ROBO2: variants seen among roughly 807,000 people sequenced by gnomAD.
The protein encoded by ROBO2 is roundabout guidance receptor 2, also known as roundabout homolog 2.
A neutral mutation model predicts 160.8 loss-of-function variants in ROBO2; 53 were observed. The observed-to-expected ratio is 0.33, with a 90% confidence interval of 0.26 to 0.41. ROBO2 has a LOEUF of 0.41. Among genes scored for constraint, ROBO2 ranks in the 10% least tolerant of loss-of-function variants. ROBO2 has a pLI of 1.00. For missense variants in ROBO2, 1,577 were observed against 1,722.4 expected (o/e 0.92, Z 1.49); for synonymous variants, 664 against 611.7 (o/e 1.09, Z -1.26).
intron 2 of ROBO2, among the ~76,000 whole-genome samples, chr3:76,215,310 A>G (rs539480695): frequency 1.3e-5 from 2 of 152,332 alleles, no homozygotes; most frequent in Admixed American, 6.5e-5. Flanking sequence ...AGCTGGATGG[A>G]GAATGACTTT....
At chr3:76,050,691 C>G (rs1364658259) in intron 2 of ROBO2, among the ~76,000 whole-genome samples, 3 of 152,158 alleles carry the variant, frequency 2.0e-5, no homozygotes, top group Non-Finnish European at 4.4e-5. Flanking sequence ...GCTGTGCTCT[C>G]CCTCTTCTCT....
chr3:76,875,279 C>T (rs924442546), intron 2 of ROBO2, among the ~76,000 whole-genome samples: 24 of 152,140 alleles, frequency 1.6e-4, no homozygotes, highest in Admixed American at 1.6e-3. Flanking sequence ...CTTCCCAGCC[C>T]CCAGAACTGT....
intron 2 of ROBO2, among the ~76,000 whole-genome samples, chr3:77,403,199 C>T (rs756290084): frequency 1.4e-4 from 21 of 152,210 alleles, no homozygotes; most frequent in Non-Finnish European, 2.8e-4. Flanking sequence ...TGTGCATTGT[C>T]TCACATATTT....
At chr3:76,899,539 C>T (rs557329294) in intron 2 of ROBO2, among the ~76,000 whole-genome samples, 56 of 152,230 alleles carry the variant, frequency 3.7e-4, no homozygotes, top group African/African-American at 1.3e-3. Flanking sequence ...TCAATTTCTT[C>T]AATAGCCATT....
At chr3:75,960,982 C>T (rs1257225638) in intron 2 of ROBO2, among the ~76,000 whole-genome samples, 1 of 151,494 alleles carries the variant, frequency 6.6e-6, no homozygotes, top group Non-Finnish European at 1.5e-5. Flanking sequence ...ATAATGGAGA[C>T]ATAGTAGACA....
chr3:76,551,881 A>G (rs897890722), intron 2 of ROBO2, among the ~76,000 whole-genome samples: 1 of 152,064 alleles, frequency 6.6e-6, no homozygotes, highest in Non-Finnish European at 1.5e-5. Flanking sequence ...GTGCTTGCTC[A>G]CCCACACATC....
At chr3:77,040,068 C>CTCCCTCGCTCCT (rs1470652690) in exon 1 of ROBO2, 4 of 744,168 alleles carry the variant, frequency 5.4e-6, no homozygotes, top group South Asian at 6.1e-5. Context: ...CCCTCCCTCC[C>CTCCCTCGCTCCT]TCCCTCGCTC....
At chr3:76,356,689 C>G (rs929635817) in intron 2 of ROBO2, among the ~76,000 whole-genome samples, 1 of 151,724 alleles carries the variant, frequency 6.6e-6, no homozygotes, top group Non-Finnish European at 1.5e-5. Context: ...TATCTACCGT[C>G]ATAATTGGAG....
intron 2 of ROBO2, among the ~76,000 whole-genome samples, chr3:76,693,323 A>G (rs1034037324): frequency 2.0e-5 from 3 of 150,730 alleles, no homozygotes; most frequent in Non-Finnish European, 4.4e-5. Flanking sequence ...TATATAGTGT[A>G]CATACACATA....
At chr3:77,275,716 T>C (rs1160450387) in intron 2 of ROBO2, among the ~76,000 whole-genome samples, 1 of 152,184 alleles carries the variant, frequency 6.6e-6, no homozygotes, top group Non-Finnish European at 1.5e-5. Context: ...GTGTATCAAA[T>C]GGATAAAGTT....
In ROBO2 at chr3:77,309,023, A is replaced by G. The variant is rs193040931; in HGVS notation, c.389-168391A>G. Reference sequence around the variant, plus strand: ...AATTCTGACTCTACTAATGATGGGCATAGGTACCCATATTATAGGGCTGAG... The same window carrying G: ...AATTCTGACTCTACTAATGATGGGCGTAGGTACCCATATTATAGGGCTGAG... On this transcript the variant is annotated intron_variant, in intron 2 of 25. Transcript: ENST00000461745. Among the ~76,000 whole-genome samples, 3 of 151,294 alleles carry G rather than the reference A, an allele frequency of 2.0e-5. No individual in the cohort carries two copies. The East Asian group carries it at 5.9e-4, about 30-fold the overall frequency.
chr3:76,509,721 G>A (rs2080983172), intron 2 of ROBO2, among the ~76,000 whole-genome samples: 1 of 152,106 alleles, frequency 6.6e-6, no homozygotes, highest in South Asian at 2.1e-4. Context: ...CAAAGCCCAG[G>A]TAAACATCTG....
intron 2 of ROBO2, among the ~76,000 whole-genome samples, chr3:75,954,955 G>A (rs1948672550): frequency 6.6e-6 from 1 of 151,796 alleles, no homozygotes; most frequent in Non-Finnish European, 1.5e-5. Context: ...TGGTTCAGGT[G>A]AGGCAATTAG....
At chr3:76,585,044 A>G (rs1385700830) in intron 2 of ROBO2, among the ~76,000 whole-genome samples, 1 of 152,216 alleles carries the variant, frequency 6.6e-6, no homozygotes, top group Non-Finnish European at 1.5e-5. Flanking sequence ...AAAGAAAACG[A>G]TAACAACAAA....
At chr3:76,161,256 C>A (rs1027074092) in intron 2 of ROBO2, among the ~76,000 whole-genome samples, 9 of 151,900 alleles carry the variant, frequency 5.9e-5, no homozygotes, top group African/African-American at 9.7e-5. Context: ...ATTAAAGTTT[C>A]TAATCAAATT....
intron 2 of ROBO2, among the ~76,000 whole-genome samples, chr3:76,633,819 A>G (rs561223728): frequency 3.3e-5 from 5 of 152,342 alleles, no homozygotes; most frequent in Admixed American, 3.3e-4. Context: ...ACAACCAGCT[A>G]ATAAGTAGCA....
intron 2 of ROBO2, among the ~76,000 whole-genome samples, chr3:77,264,053 A>G (rs1038666874): frequency 6.6e-6 from 1 of 152,136 alleles, no homozygotes; most frequent in Admixed American, 6.5e-5. Flanking sequence ...CACCACCATC[A>G]TCATCACCAT....
At chr3:75,951,024 T>C (rs1379442026) in intron 2 of ROBO2, among the ~76,000 whole-genome samples, 5 of 152,092 alleles carry the variant, frequency 3.3e-5, no homozygotes, top group Non-Finnish European at 7.4e-5. Context: ...TTGATCTTTA[T>C]TTACAAGTTC....
chr3:76,175,984 T>C (rs534612613), intron 2 of ROBO2, among the ~76,000 whole-genome samples: 1 of 152,232 alleles, frequency 6.6e-6, no homozygotes, highest in South Asian at 2.1e-4. Flanking sequence ...TTTATTTTTT[T>C]TTCTTCTTTA....
Sources: gnomAD v4.1 joint callset for allele counts (sites outside exome capture counted in the v4.1 genomes callset) on GRCh38, gnomAD v4.1.1 for gene constraint, MANE v1.5 for transcripts, NCBI Gene and HGNC (gene_info 2026-07-23, HGNC 2026-07-21) for gene names.